The following CBFA2T3 variants were observed in gnomAD, a reference collection of about 807,000 sequenced individuals.
CBFA2T3 encodes CBFA2/RUNX1 partner transcriptional co-repressor 3.
A neutral mutation model predicts 58.6 loss-of-function variants in CBFA2T3; 31 were observed. That is an observed-to-expected ratio of 0.53 (90% CI 0.40 to 0.71). The LOEUF is 0.71. Ranked by LOEUF, CBFA2T3 falls within the 30% of genes least tolerant of loss-of-function variation. The pLI is 0.00. For synonymous variants in CBFA2T3, 531 were observed against 421.9 expected (o/e 1.26, Z -3.17); for missense variants, 1,076 against 963.1 (o/e 1.12, Z -1.55).
At chr16:88,934,425 G>A (rs937485292) in intron 1 of CBFA2T3, among the ~76,000 whole-genome samples, 1 of 152,264 alleles carries the variant, frequency 6.6e-6, no homozygotes, top group Non-Finnish European at 1.5e-5. Context: ...CAGCTCGGCC[G>A]CAGAGGCACG....
At chr16:88,901,844 G>C (rs1474685748) in intron 1 of CBFA2T3, among the ~76,000 whole-genome samples, 188 bp from the exon 2 acceptor site, 1 of 152,186 alleles carries the variant, frequency 6.6e-6, no homozygotes, top group African/African-American at 2.4e-5. Context: ...CCAGGCCGGA[G>C]GACGGGCTTG....
At chr16:88,911,556 A>T (rs538156235) in intron 1 of CBFA2T3, among the ~76,000 whole-genome samples, 58 of 152,368 alleles carry the variant, frequency 3.8e-4, no homozygotes, top group African/African-American at 1.4e-3. Flanking sequence ...TCCCTGCAGG[A>T]ACGGAGTTGG....
chr16:88,928,724 C>T (rs1425227575), intron 1 of CBFA2T3, among the ~76,000 whole-genome samples: 2 of 152,196 alleles, frequency 1.3e-5, no homozygotes, highest in African/African-American at 4.8e-5. Context: ...TGACCTCGGA[C>T]GGGAGCCCAG....
At chr16:88,915,196 G>A (rs1450931603) in intron 1 of CBFA2T3, among the ~76,000 whole-genome samples, 2 of 126,628 alleles carry the variant, frequency 1.6e-5, no homozygotes, top group East Asian at 2.4e-4. Flanking sequence ...AGGTGGTGGC[G>A]TGGGTGTGGG....
intron 11 of CBFA2T3, among the ~76,000 whole-genome samples, chr16:88,879,051 G>A (rs1004896872): frequency 6.6e-6 from 1 of 152,222 alleles, no homozygotes; most frequent in African/African-American, 2.4e-5. Flanking sequence ...TCAGTTTCTG[G>A]AACTACAGAA....
chr16:88,878,277 C>G (rs1456035312), intron 11 of CBFA2T3, among the ~76,000 whole-genome samples: 1 of 152,238 alleles, frequency 6.6e-6, no homozygotes, highest in East Asian at 1.9e-4. Context: ...CTGTGGTGGT[C>G]TAGCTTCTCC....
intron 1 of CBFA2T3, among the ~76,000 whole-genome samples, chr16:88,907,715 G>A (rs1307254955): frequency 1.3e-4 from 20 of 152,214 alleles, no homozygotes. Flanking sequence ...CTCCCTCTGT[G>A]GCTTGGGCCT....
rs750764995 is a variant in CBFA2T3, at chr16:88,881,497, C to G, written c.1204-8G>C. ...CATGATGCAGTTCAGGAGCTGGGGG[C>G]GGGCGGCGCAGCCTTCAGCACCTCA... On this transcript the variant is annotated splice_polypyrimidine_tract_variant and splice_region_variant and intron_variant, in intron 8 of 11. Transcript: ENST00000268679. The G allele has an allele frequency of 2.5e-6, 4 of 1,596,792 alleles. No individual in the cohort carries two copies. The highest frequency in any genetic ancestry group is 3.4e-6 in the Non-Finnish European group (4 of 1,169,180).
At position 88,885,765 on chromosome 16, in the gene CBFA2T3, C is replaced by T; in HGVS notation, c.893+196G>A. 1.7e-6 allele frequency: 1 copy of T among 579,798 alleles called. No individual in the cohort carries two copies. Among genetic ancestry groups the T allele is most frequent in the Non-Finnish European group, 3.1e-6 (1 of 326,602 alleles). The allele number at this position is 579,798 out of a possible 1,614,324, so 35.9% of individuals were successfully genotyped here. Reference sequence around the variant, plus strand: ...AGGCTCCCCGGAGCATCTGAGTCTGCAGCCCACTGGGGTGTCCGCCCGTGC... The same window carrying T: ...AGGCTCCCCGGAGCATCTGAGTCTGTAGCCCACTGGGGTGTCCGCCCGTGC... On this transcript the variant is annotated intron_variant, in intron 6 of 11. Transcript: ENST00000268679. The surrounding 1 kb of genome is among the most constrained non-coding windows in gnomAD (Gnocchi z 5.3).
chr16:88,964,738 C>T (rs893244650), intron 1 of CBFA2T3, among the ~76,000 whole-genome samples: 2 of 151,946 alleles, frequency 1.3e-5, no homozygotes, highest in Non-Finnish European at 2.9e-5. Flanking sequence ...TATCCACCCA[C>T]CAACCCATCT....
chr16:88,917,880 G>A (rs1172039404), intron 1 of CBFA2T3, among the ~76,000 whole-genome samples: 3 of 152,010 alleles, frequency 2.0e-5, no homozygotes, highest in African/African-American at 7.2e-5. Flanking sequence ...GCGTGGGTGC[G>A]GACGAGAGTG....
At chr16:88,931,604 G>A (rs1227565321) in intron 1 of CBFA2T3, among the ~76,000 whole-genome samples, 2 of 150,476 alleles carry the variant, frequency 1.3e-5, no homozygotes, top group East Asian at 3.9e-4. Context: ...AGGTGGAGAA[G>A]GGCCGTGGGC....
In CBFA2T3 at chr16:88,898,130, C is replaced by G. The variant is rs149156131; in HGVS notation, c.327G>C (p.Thr109=). ...PHTHREDGPA[T]LPHGRFHGCL... ...AGCCATGAAAACGGCCGTGGGGCAG[C>G]GTCGCAGGCCCGTCCTCTCGATCTG... is the stretch of plus-strand genomic sequence containing the variant. Residue 109 remains threonine (T), a synonymous_variant, in exon 3 of 12, where the codon ACG becomes ACC. Coordinates refer to ENST00000268679, the MANE Select transcript of CBFA2T3 (RefSeq NM_005187.6). 1 of 1,612,904 alleles carries G rather than the reference C, an allele frequency of 6.2e-7. No homozygotes were observed. Among genetic ancestry groups the G allele is most frequent in the Admixed American group, 1.7e-5 (1 of 60,022 alleles).
At chr16:88,944,541 G>A (rs1470975900) in intron 1 of CBFA2T3, among the ~76,000 whole-genome samples, 2 of 152,058 alleles carry the variant, frequency 1.3e-5, no homozygotes, top group African/African-American at 4.8e-5. Context: ...GTGCCTCTGA[G>A]GCCCCACCCT....
chr16:88,891,637 G>A (rs953585252), intron 5 of CBFA2T3, among the ~76,000 whole-genome samples: 1 of 152,194 alleles, frequency 6.6e-6, no homozygotes, highest in African/African-American at 2.4e-5. Context: ...TAATCATCCG[G>A]TCTGGCAACT....
At position 88,876,867 on chromosome 16, in the gene CBFA2T3, C is replaced by G; in HGVS notation, c.*109G>C. ...GTCGGCTCCCCCAGGTCAGGCGGGG[C>G]GCAGTGTCTGGCAGGCCAGGCATCG... is the stretch of plus-strand genomic sequence containing the variant. On this transcript the variant is annotated 3_prime_UTR_variant, in exon 12 of 12. Coordinates refer to ENST00000268679, the MANE Select transcript of CBFA2T3 (RefSeq NM_005187.6). The G allele has an allele frequency of 1.2e-6, 1 of 862,092 alleles. No individual in the cohort carries two copies. The highest frequency in any genetic ancestry group is 3.2e-5 in the East Asian group (1 of 31,212). The allele number at this position is 862,092 out of a possible 1,614,324, so 53.4% of individuals were successfully genotyped here. A position where few individuals can be genotyped will look rare whatever the true frequency, so the allele number is the denominator to read the frequency against.
intron 2 of CBFA2T3, among the ~76,000 whole-genome samples, chr16:88,899,413 G>A (rs1020254116): frequency 6.6e-6 from 1 of 152,136 alleles, no homozygotes; most frequent in Non-Finnish European, 1.5e-5. Context: ...CTGAAGCATC[G>A]GCTTAGAAAA....
intron 1 of CBFA2T3, among the ~76,000 whole-genome samples, chr16:88,940,499 G>A (rs969054781): frequency 6.6e-6 from 1 of 152,244 alleles, no homozygotes; most frequent in African/African-American, 2.4e-5. Context: ...GCTGTGCCGA[G>A]GCCCGCGGCC....
Position 88,885,239 on chromosome 16 carries a change from C to T in CBFA2T3, c.924G>A (p.Pro308=), listed in dbSNP as rs573721979. ...RTKENGSDRD[P]LHPEHLSKRP... is the part of the protein sequence containing the mutation. ...GTTTGCTGAGGTGCTCGGGGTGCAG[C>T]GGGTCGCGGTCTGACCCGTTCTCTT... Residue 308 remains proline, a synonymous_variant, in exon 7 of 12, where the codon CCG becomes CCA. Coordinates refer to ENST00000268679, the MANE Select transcript of CBFA2T3 (RefSeq NM_005187.6). This position sits in a 1 kb window ranked among gnomAD's most constrained non-coding sequence, Gnocchi z 5.3. 166 of 1,578,050 alleles carry T rather than the reference C, an allele frequency of 1.1e-4. 1 individual carries two copies. The South Asian group carries it at 1.3e-3, about 12-fold the overall frequency.
Sources: gnomAD v4.1 joint callset for allele counts (sites outside exome capture counted in the v4.1 genomes callset) on GRCh38, gnomAD v4.1.1 for gene constraint, Gnocchi (gnomAD v3.1) non-coding constraint, MANE v1.5 for transcripts, NCBI Gene and HGNC (gene_info 2026-07-23, HGNC 2026-07-21) for gene names.